Variants in STK31 observed in about 807,000 individuals in gnomAD.
The protein encoded by STK31 is serine/threonine kinase 31.
In STK31, 89 loss-of-function variants were observed where a neutral mutation model predicts 129.7. The ratio of observed to expected loss-of-function variants is 0.69; its 90% confidence interval spans 0.58 to 0.82. The LOEUF (loss-of-function observed/expected upper bound fraction) is 0.82, where lower values mean the gene tolerates loss of function less well. STK31 is among the 40% of genes least tolerant of loss of function. STK31 has a pLI of 0.00. For missense variants in STK31, 1,187 were observed against 1,176.4 expected, an observed-to-expected ratio of 1.01 and a Z score of -0.13; for synonymous variants, 448 against 395.3, an observed-to-expected ratio of 1.13 and a Z score of -1.58.
chr7:23,768,677 A>T (rs951891502), intron 11 of STK31, among the ~76,000 whole-genome samples: 1 of 152,182 alleles, frequency 6.6e-6, no homozygotes, highest in Non-Finnish European at 1.5e-5. Flanking sequence ...ATGTAGCAAA[A>T]TTACTCTTGT....
intron 8 of STK31, among the ~76,000 whole-genome samples, chr7:23,748,673 T>C (rs1788501352): frequency 6.6e-6 from 1 of 152,248 alleles, no homozygotes; most frequent in Admixed American, 6.5e-5. Context: ...ATTTAATGAA[T>C]AGTAAATATA....
At chr7:23,780,381 G>A (rs1392237156) in intron 15 of STK31, among the ~76,000 whole-genome samples, 1 of 152,200 alleles carries the variant, frequency 6.6e-6, no homozygotes, top group African/African-American at 2.4e-5. Flanking sequence ...GTTTTGCCAA[G>A]GTTAAGGATG....
rs933218191 is a variant in STK31 at position 23,769,113 on chromosome 7, T to A, written c.1535T>A (p.Val512Asp). Reference sequence around the variant, plus strand: ...GATAAAAGAGAGGAGTTCACCAGTGTTAGAAGTGAAACAGACGCTTCTCTG... The same window carrying A: ...GATAAAAGAGAGGAGTTCACCAGTGATAGAAGTGAAACAGACGCTTCTCTG... Reference protein sequence around the residue: ...KCDKREEFTSVRSETDASLHR... With the variant: ...KCDKREEFTSDRSETDASLHR... Residue 512 changes from valine (V) to aspartate (D), a missense_variant, in exon 12 of 24, where the codon GTT becomes GAT. This residue lies in a region of STK31 where 975 missense variants were observed against 934.9 expected (regional missense o/e 1.04). Coordinates refer to ENST00000355870, the MANE Select transcript of STK31 (RefSeq NM_031414.5). The A allele has an allele frequency of 6.2e-7, 1 of 1,612,860 alleles. No individual in the cohort carries two copies. The highest frequency in any genetic ancestry group is 1.3e-5 in the African/African-American group (1 of 74,882).
chr7:23,719,656 C>T (rs1584322228), intron 4 of STK31, among the ~76,000 whole-genome samples: 1 of 152,038 alleles, frequency 6.6e-6, no homozygotes, highest in African/African-American at 2.4e-5. Context: ...AGAAATACTC[C>T]CAATTCTACC....
chr7:23,736,804 A>G, intron 7 of STK31, 100 bp from the exon 8 acceptor site: 1 of 911,124 alleles, frequency 1.1e-6, no homozygotes. Context: ...ATTAACTTTC[A>G]GATATATTGT....
intron 21 of STK31, among the ~76,000 whole-genome samples, chr7:23,790,050 G>T (rs1287196007): frequency 6.6e-6 from 1 of 152,076 alleles, no homozygotes; most frequent in South Asian, 2.1e-4. Context: ...CAGCATTTCT[G>T]CAGTGGATCA....
chr7:23,831,531 A>G lies in STK31; in HGVS notation c.2830-605A>G, dbSNP rs76234317. Among the ~76,000 whole-genome samples the G allele has an allele frequency of 3.9e-3, 588 of 152,274 alleles. 4 individuals are homozygous for G. The highest frequency in any genetic ancestry group is 0.02 in the Middle Eastern group (6 of 294). On this transcript the variant is annotated intron_variant, in intron 23 of 23. Coordinates refer to ENST00000355870, the MANE Select transcript of STK31 (RefSeq NM_031414.5). Reference sequence around the variant, plus strand: ...AAGAAAAACTCCTTTCAACCAGTCTATATCTTTTAGGTGGAAAGTTTAACT... The same window carrying G: ...AAGAAAAACTCCTTTCAACCAGTCTGTATCTTTTAGGTGGAAAGTTTAACT...
chr7:23,713,860 T>C (rs1202202756), intron 3 of STK31, among the ~76,000 whole-genome samples: 1 of 151,772 alleles, frequency 6.6e-6, no homozygotes, highest in Non-Finnish European at 1.5e-5. Context: ...AGAAAAATTA[T>C]AGTAAAAAAA....
At chr7:23,753,408 C>G (rs111884017) in intron 9 of STK31, among the ~76,000 whole-genome samples, 24 of 152,090 alleles carry the variant, frequency 1.6e-4, no homozygotes, top group Non-Finnish European at 3.2e-4. Flanking sequence ...GTGTCATGTC[C>G]AGGATTGGTT....
At chr7:23,819,243 A>T (rs1446665524) in intron 23 of STK31, among the ~76,000 whole-genome samples, 1 of 151,072 alleles carries the variant, frequency 6.6e-6, no homozygotes. Context: ...TTAAAAACAT[A>T]TTCTGTAGAG....
intron 8 of STK31, among the ~76,000 whole-genome samples, chr7:23,746,666 C>T (rs980265339): frequency 1.3e-5 from 2 of 152,012 alleles, no homozygotes; most frequent in Non-Finnish European, 2.9e-5. Flanking sequence ...TTAAGAAAAT[C>T]ATAAGGAAGA....
intron 23 of STK31, among the ~76,000 whole-genome samples, chr7:23,823,113 G>A (rs1163166903): frequency 3.3e-5 from 5 of 152,210 alleles, no homozygotes; most frequent in African/African-American, 1.2e-4. Context: ...TATATACCCA[G>A]TAATGGGATG....
chr7:23,735,505 G>A, intron 6 of STK31, 33 bp from the exon 7 acceptor site: 1 of 1,508,644 alleles, frequency 6.6e-7, no homozygotes, highest in African/African-American at 1.4e-5. Flanking sequence ...GAAACATGTT[G>A]GTGTAGCTGG....
At position 23,772,265 on chromosome 7, in the gene STK31, G is replaced by A. The variant is rs772206411; in HGVS notation, c.1952G>A (p.Ser651Asn). 5.0e-6 allele frequency: 8 copies of A among 1,604,616 alleles called. No homozygotes were observed. Among genetic ancestry groups the A allele is most frequent in the Non-Finnish European group, 6.8e-6 (8 of 1,176,830 alleles). ...ALLRWKLVEK[S>N]NLEESDDPDG... is the part of the protein sequence containing the mutation. ...CTCAGATGGAAATTGGTTGAAAAGA[G>A]TAATTTGGAAGAGGTAAGGAAACAG... Residue 651 changes from serine to asparagine, a missense_variant, in exon 15 of 24, where the codon AGT becomes AAT. Transcript: ENST00000355870.
At chr7:23,826,854 G>C (rs1408654758) in intron 23 of STK31, among the ~76,000 whole-genome samples, 3 of 152,044 alleles carry the variant, frequency 2.0e-5, no homozygotes. Context: ...CATTTATGAA[G>C]CTTAGTTTGG....
rs749245779 is a variant in STK31 at position 23,832,216 on chromosome 7, A to G, written c.2910A>G (p.Glu970=). 8 of 1,614,126 alleles carry G rather than the reference A, an allele frequency of 5.0e-6. No homozygotes were observed. Among genetic ancestry groups the G allele is most frequent in the East Asian group, 2.2e-5 (1 of 44,868 alleles). The change falls in exon 24 of 24, where the codon GAA becomes GAG. Residue 970 remains glutamate, a synonymous_variant. Coordinates refer to ENST00000355870, the MANE Select transcript of STK31 (RefSeq NM_031414.5). ...SMTAEQVLNA[E]CFLMPKEQSV... ...CTGCTGAACAAGTTTTAAATGCTGAATGTTTCTTGATGCCAAAGGAGCAAT... is the reference window on the plus strand; with the variant it reads ...CTGCTGAACAAGTTTTAAATGCTGAGTGTTTCTTGATGCCAAAGGAGCAAT...
At chr7:23,752,348 GA>G (rs1382790738) in intron 8 of STK31, among the ~76,000 whole-genome samples, 3 of 135,150 alleles carry the variant, frequency 2.2e-5, no homozygotes, top group African/African-American at 8.3e-5. Context: ...TTCAAATTTG[GA>G]ATTTTTTTTT....
chr7:23,822,608 T>G (rs1241965001), intron 23 of STK31, among the ~76,000 whole-genome samples: 2 of 152,032 alleles, frequency 1.3e-5, no homozygotes, highest in Non-Finnish European at 2.9e-5. Context: ...TTTTCTTTTT[T>G]TATTATTATT....
intron 23 of STK31, among the ~76,000 whole-genome samples, chr7:23,825,207 A>G (rs898548385): frequency 1.4e-4 from 21 of 152,272 alleles, no homozygotes; most frequent in East Asian, 5.8e-4. Flanking sequence ...GGTAGAATTT[A>G]GCTGTGAATC....
Sources: allele counts gnomAD v4.1 joint callset (sites outside exome capture counted in the v4.1 genomes callset), GRCh38; gene constraint gnomAD v4.1.1; regional missense constraint gnomAD v4.1.1; transcripts MANE v1.5; gene names NCBI Gene and HGNC (gene_info 2026-07-23, HGNC 2026-07-21).